NCAM1: variants seen among roughly 807,000 people sequenced by gnomAD.
NCAM1 encodes neural cell adhesion molecule 1, also known as antigen recognized by monoclonal antibody 5.1H11.
NCAM1 carries 14 observed loss-of-function variants against 109.8 expected under a neutral mutation model. The observed-to-expected ratio is 0.13, with a 90% CI of 0.08 to 0.20. NCAM1 has a LOEUF of 0.20. Among genes scored for constraint, NCAM1 ranks in the 10% least tolerant of loss-of-function variants. The pLI, the probability that NCAM1 is intolerant of heterozygous loss-of-function variation, is 1.00. For missense variants in NCAM1, 774 were observed against 1,109.9 expected (o/e 0.70, Z 4.30); for synonymous variants, 418 against 442.9 (o/e 0.94, Z 0.70).
intron 17 of NCAM1, chr11:113,263,315 G>T: frequency 9.9e-7 from 1 of 1,006,436 alleles, no homozygotes; most frequent in African/African-American, 1.7e-5. Context: ...TAAAGCTTGT[G>T]TCAGATTGTT....
chr11:113,197,766 G>A (rs1172448123), intron 1 of NCAM1, among the ~76,000 whole-genome samples: 2 of 152,182 alleles, frequency 1.3e-5, no homozygotes, highest in African/African-American at 2.4e-5. Context: ...AAAGAAAACC[G>A]ATAAAATAAA....
In NCAM1 at chr11:113,273,429, G is replaced by A; in HGVS notation, c.2456+1553G>A. ...TGCCCCTGCCACAGAAGCCCCTCAG[G>A]CCAAGCAGGAGGCTCCCAGCACCAA... On this transcript the variant is annotated intron_variant, in intron 19 of 19. Transcript: ENST00000316851. The surrounding 1 kb of genome is among the most constrained non-coding windows in gnomAD (Gnocchi z 6.0). The A allele has an allele frequency of 3.0e-6, 1 of 334,112 alleles. No homozygotes were observed. Among genetic ancestry groups the A allele is most frequent in the African/African-American group, 2.2e-5 (1 of 46,222 alleles). The allele number at this position is 334,112 out of a possible 1,614,324, so 20.7% of individuals were successfully genotyped here.
intron 1 of NCAM1, among the ~76,000 whole-genome samples, chr11:113,088,087 GA>G (rs1939170577): frequency 6.6e-6 from 1 of 152,208 alleles, no homozygotes; most frequent in Non-Finnish European, 1.5e-5. Context: ...GTTCTGGAGT[GA>G]TACTATATGC....
At chr11:113,105,224 G>A (rs1313711389) in intron 1 of NCAM1, among the ~76,000 whole-genome samples, 3 of 152,204 alleles carry the variant, frequency 2.0e-5, no homozygotes, top group Admixed American at 6.5e-5. Flanking sequence ...AGTAGCAGAT[G>A]GAGGAAGCCC....
At chr11:113,201,745 A>G (rs1230619387) in intron 1 of NCAM1, among the ~76,000 whole-genome samples, 1 of 152,190 alleles carries the variant, frequency 6.6e-6, no homozygotes, top group African/African-American at 2.4e-5. Context: ...GTGTCTGACT[A>G]ATTGGGGTGG....
intron 1 of NCAM1, among the ~76,000 whole-genome samples, chr11:112,976,000 C>T (rs1441821705): frequency 6.6e-6 from 1 of 151,812 alleles, no homozygotes; most frequent in Non-Finnish European, 1.5e-5. Context: ...GTGATATTCA[C>T]AGTAGATACT....
intron 1 of NCAM1, among the ~76,000 whole-genome samples, chr11:112,984,018 T>C (rs1951225899): frequency 6.6e-6 from 1 of 151,914 alleles, no homozygotes; most frequent in Admixed American, 6.6e-5. Context: ...CCTCCATAAT[T>C]GCAACTTTGT....
chr11:113,229,797 G>A (rs1456406901), intron 9 of NCAM1, among the ~76,000 whole-genome samples: 10 of 152,170 alleles, frequency 6.6e-5, no homozygotes, highest in Non-Finnish European at 1.5e-4. Context: ...CATGGATGAA[G>A]CTGGAAACCA....
intron 5 of NCAM1, among the ~76,000 whole-genome samples, chr11:113,206,542 A>G (rs1025967951): frequency 6.6e-6 from 1 of 152,098 alleles, no homozygotes; most frequent in Non-Finnish European, 1.5e-5. Flanking sequence ...TATTAAGTCA[A>G]CTCAGGCCTC....
At chr11:113,206,389 C>T (rs942214538) in intron 5 of NCAM1, among the ~76,000 whole-genome samples, 4 of 149,128 alleles carry the variant, frequency 2.7e-5, no homozygotes, top group Non-Finnish European at 4.4e-5. Flanking sequence ...CCTTCAACTA[C>T]GAGGGATTTT....
At chr11:113,061,223 G>A (rs1253319740) in intron 1 of NCAM1, among the ~76,000 whole-genome samples, 1 of 151,878 alleles carries the variant, frequency 6.6e-6, no homozygotes, top group African/African-American at 2.4e-5. Flanking sequence ...CTATATTGTT[G>A]CAATGGGAAG....
At chr11:113,060,077 A>G (rs1305092572) in intron 1 of NCAM1, among the ~76,000 whole-genome samples, 1 of 152,258 alleles carries the variant, frequency 6.6e-6, no homozygotes, top group Admixed American at 6.5e-5. Flanking sequence ...CTGAAATAAA[A>G]GAGTTGAATG....
At chr11:113,189,036 C>T (rs781857917) in intron 1 of NCAM1, among the ~76,000 whole-genome samples, 6 of 152,154 alleles carry the variant, frequency 3.9e-5, no homozygotes, top group Non-Finnish European at 8.8e-5. Flanking sequence ...AGTTTGTCCT[C>T]TCCGTAGGCT....
chr11:113,222,004 T>C (rs1944706435), intron 9 of NCAM1: 2 of 152,264 alleles, frequency 1.3e-5, no homozygotes, highest in Non-Finnish European at 2.9e-5. Flanking sequence ...TGGGACTTAG[T>C]TTGAAAACTG....
intron 15 of NCAM1, 58 bp from the exon 16 acceptor site, chr11:113,255,819 T>C: frequency 6.3e-7 from 1 of 1,596,154 alleles, no homozygotes. Flanking sequence ...CCCATTCAGA[T>C]GGGTTGGATT....
intron 15 of NCAM1, among the ~76,000 whole-genome samples, chr11:113,249,708 T>G (rs1398995448): frequency 1.3e-5 from 2 of 152,222 alleles, no homozygotes; most frequent in African/African-American, 4.8e-5. Flanking sequence ...TCATATTTTC[T>G]TTTTAGGATG....
Position 113,094,875 on chromosome 11 carries a change from A to C in NCAM1, c.53-107504A>C, listed in dbSNP as rs536566252. ...CATTGACAAGAACGAAAAATGTCGA[A>C]AGGAAAATCTTTAATATTAAATCAT... is the stretch of plus-strand genomic sequence containing the variant. On this transcript the variant is annotated intron_variant, in intron 1 of 19. Coordinates refer to ENST00000316851, the MANE Select transcript of NCAM1 (RefSeq NM_181351.5). Among the ~76,000 whole-genome samples, 287 of 152,360 alleles carry C rather than the reference A, an allele frequency of 1.9e-3. 1 individual carries two copies. Among genetic ancestry groups the C allele is most frequent in the Admixed American group, 4.5e-3 (69 of 15,306 alleles).
intron 1 of NCAM1, among the ~76,000 whole-genome samples, chr11:113,102,567 T>C (rs1455757835): frequency 6.6e-6 from 1 of 152,230 alleles, no homozygotes; most frequent in Non-Finnish European, 1.5e-5. Context: ...GATTACTGGC[T>C]CTTGGGCATA....
In NCAM1 at chr11:112,963,650, G is replaced by C. The variant is rs2134435714; in HGVS notation, c.52+1986G>C. Among the ~76,000 whole-genome samples the C allele has an allele frequency of 6.6e-6, 1 of 152,362 alleles. No homozygotes were observed. Among genetic ancestry groups the C allele is most frequent in the East Asian group, 1.9e-4 (1 of 5,178 alleles). On this transcript the variant is annotated intron_variant, in intron 1 of 19. Coordinates refer to ENST00000316851, the MANE Select transcript of NCAM1 (RefSeq NM_181351.5). This position sits in a 1 kb window ranked among gnomAD's most constrained non-coding sequence, Gnocchi z 4.6. ...GTGCCGCGACGCGACCTGTCCACATGGGGCGGGGGAAGGGGGGTGTTTTTG... is the reference window on the plus strand; with the variant it reads ...GTGCCGCGACGCGACCTGTCCACATCGGGCGGGGGAAGGGGGGTGTTTTTG...
Sources: allele counts gnomAD v4.1 joint callset (sites outside exome capture counted in the v4.1 genomes callset), GRCh38; gene constraint gnomAD v4.1.1; non-coding constraint Gnocchi (gnomAD v3.1); transcripts MANE v1.5; gene names NCBI Gene and HGNC (gene_info 2026-07-23, HGNC 2026-07-21).